The following PLCB1 variants were observed in gnomAD, a reference collection of about 807,000 sequenced individuals.
PLCB1 encodes 1-phosphatidylinositol 4,5-bisphosphate phosphodiesterase beta-1.
PLCB1 carries 46 observed loss-of-function variants against 161.8 expected under a neutral mutation model. The observed-to-expected ratio is 0.28, with a 90% CI of 0.22 to 0.36. The LOEUF (loss-of-function observed/expected upper bound fraction) is 0.36. PLCB1 is among the 10% of genes least tolerant of loss of function. The pLI is 1.00. For synonymous variants in PLCB1, 517 were observed against 503.7 expected, an observed-to-expected ratio of 1.03 and a Z score of -0.35; for missense variants, 1,016 against 1,472.5, an observed-to-expected ratio of 0.69 and a Z score of 5.07.
At chr20:8,403,399 A>G (rs1978647953) in intron 3 of PLCB1, among the ~76,000 whole-genome samples, 1 of 152,164 alleles carries the variant, frequency 6.6e-6, no homozygotes, top group African/African-American at 2.4e-5. Flanking sequence ...AACCAAACAA[A>G]AAACAACAGG....
intron 3 of PLCB1, among the ~76,000 whole-genome samples, chr20:8,556,656 G>GGTGTGTGTGTGT (rs58160557): frequency 2.1e-5 from 3 of 141,780 alleles, no homozygotes; most frequent in Admixed American, 7.2e-5. Context: ...GAGAGGGTTG[G>GGTGTGTGTGTGT]GTGTGTGTGT....
At chr20:8,697,056 G>A (rs549455011) in intron 10 of PLCB1, among the ~76,000 whole-genome samples, 1 of 152,000 alleles carries the variant, frequency 6.6e-6, no homozygotes, top group Non-Finnish European at 1.5e-5. Flanking sequence ...TTTTTAAAGA[G>A]CACTTTTAAA....
At chr20:8,226,425 C>T (rs901192383) in intron 2 of PLCB1, among the ~76,000 whole-genome samples, 3 of 152,102 alleles carry the variant, frequency 2.0e-5, no homozygotes, top group Non-Finnish European at 2.9e-5. Context: ...GCTTGGAGGA[C>T]ATGAATGAGG....
intron 2 of PLCB1, among the ~76,000 whole-genome samples, chr20:8,239,102 T>C (rs1321339768): frequency 2.6e-5 from 4 of 151,552 alleles, no homozygotes; most frequent in South Asian, 2.1e-4. Flanking sequence ...CAGGAGGAGA[T>C]TGGAGCAGTA....
rs541684696 is a variant in PLCB1 at position 8,747,747 on chromosome 20, G to A, written c.2523+6174G>A. Among the ~76,000 whole-genome samples, 67 of 151,990 alleles carry A rather than the reference G, an allele frequency of 4.4e-4. No homozygotes were observed. In the East Asian group the frequency reaches 0.011, roughly 25 times the overall value. On this transcript the variant is annotated intron_variant, in intron 23 of 31. Coordinates refer to ENST00000338037, the MANE Select transcript of PLCB1 (RefSeq NM_015192.4). ...TGAATGCACTACTGCACCCTAGCCT[G>A]GGCAACAGAGACCATGTCTCTTAAA... is the stretch of plus-strand genomic sequence containing the variant.
chr20:8,223,329 A>G lies in PLCB1; in HGVS notation c.177+72958A>G, dbSNP rs150427203. On this transcript the variant is annotated intron_variant, in intron 2 of 31. Coordinates refer to ENST00000338037, the MANE Select transcript of PLCB1 (RefSeq NM_015192.4). ...ATCACTCTGTCCTGAGTAAGACTTGAAGACTCATTTTTACCATCACATTGG... is the reference window on the plus strand; with the variant it reads ...ATCACTCTGTCCTGAGTAAGACTTGGAGACTCATTTTTACCATCACATTGG... 1.6e-3 allele frequency among the ~76,000 whole-genome samples: 250 copies of G among 152,242 alleles called. 2 individuals carry two copies. Among genetic ancestry groups the G allele is most frequent in the African/African-American group, 5.4e-3 (226 of 41,574 alleles).
At chr20:8,191,053 A>G (rs1051043412) in intron 2 of PLCB1, among the ~76,000 whole-genome samples, 7 of 152,066 alleles carry the variant, frequency 4.6e-5, no homozygotes, top group Admixed American at 4.6e-4. Flanking sequence ...AGAGAAGAGT[A>G]TATACATGCA....
At chr20:8,178,540 G>A (rs1231874083) in intron 2 of PLCB1, among the ~76,000 whole-genome samples, 1 of 152,068 alleles carries the variant, frequency 6.6e-6, no homozygotes, top group Non-Finnish European at 1.5e-5. Context: ...CTGGATATTA[G>A]ACCTTTTTCA....
chr20:8,211,682 T>C (rs1448829206), intron 2 of PLCB1, among the ~76,000 whole-genome samples: 1 of 152,140 alleles, frequency 6.6e-6, no homozygotes, highest in African/African-American at 2.4e-5. Context: ...CGAGATTCCT[T>C]AAATTTTACT....
chr20:8,629,084 G>A (rs73597524), intron 4 of PLCB1, among the ~76,000 whole-genome samples: 1,938 of 152,140 alleles, frequency 0.013, 35 homozygotes, highest in African/African-American at 0.044. Flanking sequence ...TTCTAAGTCC[G>A]TGTCATTTCC....
chr20:8,443,789 T>C (rs1980676145), intron 3 of PLCB1, among the ~76,000 whole-genome samples: 1 of 152,172 alleles, frequency 6.6e-6, no homozygotes, highest in Admixed American at 6.5e-5. Context: ...ACAGGCAACC[T>C]CTCTTTCATG....
chr20:8,162,468 C>T (rs2051636224), intron 2 of PLCB1, among the ~76,000 whole-genome samples: 1 of 152,314 alleles, frequency 6.6e-6, no homozygotes, highest in East Asian at 1.9e-4. Context: ...GACATACACT[C>T]AACTGGGCAA....
intron 2 of PLCB1, among the ~76,000 whole-genome samples, chr20:8,176,054 G>A (rs2051779882): frequency 6.6e-6 from 1 of 152,196 alleles, no homozygotes; most frequent in Non-Finnish European, 1.5e-5. Flanking sequence ...TGGAGGAACA[G>A]ATCAATGGTA....
chr20:8,322,161 C>T (rs980014964), intron 2 of PLCB1, among the ~76,000 whole-genome samples: 1 of 152,032 alleles, frequency 6.6e-6, no homozygotes, highest in Admixed American at 6.6e-5. Flanking sequence ...GCTTCTTTCT[C>T]TTCATTGTCT....
intron 9 of PLCB1, among the ~76,000 whole-genome samples, chr20:8,669,419 A>G (rs1427646366): frequency 6.6e-6 from 1 of 152,194 alleles, no homozygotes; most frequent in African/African-American, 2.4e-5. Flanking sequence ...GAGTCTTTGG[A>G]TGGTCCAGAC....
At chr20:8,814,743 A>G (rs916825734) in intron 31 of PLCB1, among the ~76,000 whole-genome samples, 1 of 152,224 alleles carries the variant, frequency 6.6e-6, no homozygotes, top group Non-Finnish European at 1.5e-5. Context: ...ATGGGTTCCC[A>G]TAAATATCCT....
intron 2 of PLCB1, among the ~76,000 whole-genome samples, chr20:8,160,470 C>T (rs2051611046): frequency 6.6e-6 from 1 of 152,192 alleles, no homozygotes; most frequent in African/African-American, 2.4e-5. Context: ...AATAGGATTA[C>T]AGTTCCACGT....
intron 2 of PLCB1, among the ~76,000 whole-genome samples, chr20:8,303,044 T>C (rs114602005): frequency 0.024 from 3,632 of 152,308 alleles, 160 homozygotes; most frequent in African/African-American, 0.081. Context: ...TTCCAGAGAT[T>C]GGAAATATCT....
intron 2 of PLCB1, among the ~76,000 whole-genome samples, chr20:8,183,140 T>C (rs2051864580): frequency 6.6e-6 from 1 of 152,180 alleles, no homozygotes. Flanking sequence ...TGTGGCAGTG[T>C]TGCGGTAATA....
Sources: allele counts gnomAD v4.1 joint callset (sites outside exome capture counted in the v4.1 genomes callset), GRCh38; gene constraint gnomAD v4.1.1; transcripts MANE v1.5; gene names NCBI Gene and HGNC (gene_info 2026-07-23, HGNC 2026-07-21).